ASB15: variants seen among roughly 807,000 people sequenced by gnomAD.
ASB15 encodes ankyrin repeat and SOCS box containing 15, also known as ankyrin repeat and SOCS box protein 15.
A neutral mutation model predicts 58.0 loss-of-function variants in ASB15; 54 were observed. That is an observed-to-expected ratio of 0.93 (90% CI 0.75 to 1.17). The LOEUF is 1.17. ASB15 is among the 50% of genes most tolerant of loss of function. The probability of loss-of-function intolerance (pLI) is 0.00; values close to 1 mark genes in which losing one functional copy is unlikely to be tolerated. For missense variants in ASB15, 680 were observed against 707.4 expected (o/e 0.96, Z 0.44); for synonymous variants, 249 against 262.4 (o/e 0.95, Z 0.50).
intron 4 of ASB15, among the ~76,000 whole-genome samples, chr7:123,615,869 C>T (rs1473717113): frequency 1.3e-5 from 2 of 152,166 alleles, no homozygotes; most frequent in Admixed American, 6.5e-5. Context: ...TCCAGAAAGG[C>T]TAATTGGCCT....
intron 7 of ASB15, 47 bp from the exon 8 acceptor site, chr7:123,624,522 T>A: frequency 6.5e-7 from 1 of 1,547,790 alleles, no homozygotes; most frequent in East Asian, 2.3e-5. Flanking sequence ...CCACCTAAGG[T>A]ATTTGTGTTA....
chr7:123,636,742 A>T, intron 11 of ASB15, 67 bp from the exon 12 acceptor site: 1 of 1,305,914 alleles, frequency 7.7e-7, no homozygotes, highest in Non-Finnish European at 1.1e-6. Flanking sequence ...ATTCTGAAAC[A>T]GTCATATCTT....
intron 2 of ASB15, among the ~76,000 whole-genome samples, chr7:123,605,454 A>G (rs954592047): frequency 6.6e-6 from 1 of 152,218 alleles, no homozygotes; most frequent in Non-Finnish European, 1.5e-5. Context: ...AAAGAACTTA[A>G]AGCAGAATTA....
intron 7 of ASB15, among the ~76,000 whole-genome samples, chr7:123,619,713 T>C (rs146253114): frequency 0.02 from 3,030 of 152,082 alleles, 105 homozygotes; most frequent in African/African-American, 0.07. Context: ...TTAGTAGAGA[T>C]GGGGTTTCAC....
intron 1 of ASB15, among the ~76,000 whole-genome samples, chr7:123,596,076 A>G (rs1799682927): frequency 6.6e-6 from 1 of 152,198 alleles, no homozygotes; most frequent in African/African-American, 2.4e-5. Context: ...CTCAGTACTT[A>G]TACTGTTCTA....
chr7:123,626,391 A>C (rs887173726), intron 8 of ASB15, among the ~76,000 whole-genome samples: 1 of 152,148 alleles, frequency 6.6e-6, no homozygotes, highest in Non-Finnish European at 1.5e-5. Flanking sequence ...AGAACTGCTT[A>C]AACCCAGGAG....
At chr7:123,606,130 TG>T (rs1800138748) in intron 2 of ASB15, among the ~76,000 whole-genome samples, 1 of 152,212 alleles carries the variant, frequency 6.6e-6, no homozygotes, top group African/African-American at 2.4e-5. Flanking sequence ...TTTTATTGTC[TG>T]TAACTGGCCT....
intron 11 of ASB15, among the ~76,000 whole-genome samples, chr7:123,635,103 A>T (rs1020892197): frequency 5.9e-5 from 9 of 152,214 alleles, no homozygotes; most frequent in Non-Finnish European, 8.8e-5. Context: ...CAAAAATTTT[A>T]AAAATGTACT....
At chr7:123,615,772 A>C (rs1397744944) in intron 4 of ASB15, among the ~76,000 whole-genome samples, 1 of 152,136 alleles carries the variant, frequency 6.6e-6, no homozygotes, top group South Asian at 2.1e-4. Flanking sequence ...AAAGCAAAAA[A>C]CATTTTTTGA....
At position 123,629,435 on chromosome 7, in the gene ASB15, G is replaced by A. The variant is rs1802005590; in HGVS notation, c.1440+1G>A. Reference sequence around the variant, plus strand: ...ATCTTGTGTAATAAAAGATAACCCGGTGAGTTATGCCTTTTCTGCTTTATA... The same window carrying A: ...ATCTTGTGTAATAAAAGATAACCCGATGAGTTATGCCTTTTCTGCTTTATA... On this transcript the variant is annotated splice_donor_variant, in intron 10 of 11. Coordinates refer to ENST00000451215, the MANE Select transcript of ASB15 (RefSeq NM_001290258.2). LOFTEE classifies it high-confidence loss of function. The A allele has an allele frequency of 1.9e-6, 3 of 1,594,410 alleles. No homozygotes were observed. The highest frequency in any genetic ancestry group is 1.7e-4 in the Middle Eastern group (1 of 6,042).
rs1181137925 is a variant in ASB15, at chr7:123,639,397, A to G, written c.*2416A>G. On this transcript the variant is annotated 3_prime_UTR_variant, in exon 12 of 12. Coordinates refer to ENST00000451215, the MANE Select transcript of ASB15 (RefSeq NM_001290258.2). ...GTGGTTAAATGTATTGTTACCTAAA[A>G]ATATTACTCTAATGAATAAAAAATC... is the stretch of plus-strand genomic sequence containing the variant. 1 of 152,198 alleles carries G rather than the reference A, an allele frequency of 6.6e-6. No individual in the cohort carries two copies. The highest frequency in any genetic ancestry group is 1.9e-4 in the East Asian group (1 of 5,200). The allele number at this position is 152,198 out of a possible 1,614,324, so 9.4% of individuals were successfully genotyped here.
chr7:123,627,036 C>T (rs930499206), intron 8 of ASB15, 74 bp from the exon 9 acceptor site: 11 of 1,476,150 alleles, frequency 7.5e-6, no homozygotes, highest in African/African-American at 6.9e-5. Flanking sequence ...CCCAGCCCCA[C>T]AACAGGCTGT....
chr7:123,591,640 G>A (rs1304821170), intron 1 of ASB15, among the ~76,000 whole-genome samples: 2 of 152,158 alleles, frequency 1.3e-5, no homozygotes, highest in African/African-American at 2.4e-5. Flanking sequence ...TGCATCCCAG[G>A]GATGAAGCCA....
intron 11 of ASB15, among the ~76,000 whole-genome samples, chr7:123,630,845 T>C (rs562483474): frequency 9.8e-5 from 15 of 152,292 alleles, no homozygotes; most frequent in South Asian, 2.1e-4. Context: ...TTTAAATAAT[T>C]TGACATTTTT....
In ASB15 at chr7:123,629,407, G is replaced by C. The variant is rs773581932; in HGVS notation, c.1413G>C (p.Trp471Cys). The change falls in exon 10 of 12, where the codon TGG becomes TGC. Residue 471 changes from tryptophan (W) to cysteine (C), a missense_variant. By Grantham distance (215) the Trp-to-Cys change is radical. Transcript: ENST00000451215. Reference sequence around the variant, plus strand: ...TACAGGAAGAGGTGCTGCCAGGATGGACATCTTGTGTAATAAAAGATAACC... The same window carrying C: ...TACAGGAAGAGGTGCTGCCAGGATGCACATCTTGTGTAATAAAAGATAACC... ...SEIQEEVLPG[W>C]TSCVIKDNPF... 1.5e-5 allele frequency: 24 copies of C among 1,610,722 alleles called. No individual in the cohort carries two copies. The South Asian group carries it at 2.2e-4, about 15-fold the overall frequency.
intron 1 of ASB15, among the ~76,000 whole-genome samples, chr7:123,580,128 C>T (rs1799186852): frequency 6.6e-6 from 1 of 151,908 alleles, no homozygotes. Context: ...CTTAAATTAG[C>T]AGAAGGATTT....
At chr7:123,624,375 T>C (rs1801624972) in intron 7 of ASB15, among the ~76,000 whole-genome samples, 194 bp from the exon 8 acceptor site, 1 of 152,244 alleles carries the variant, frequency 6.6e-6, no homozygotes, top group African/African-American at 2.4e-5. Flanking sequence ...TAGTGTCATC[T>C]TGTAAACTTA....
intron 11 of ASB15, 32 bp from the exon 12 acceptor site, chr7:123,636,777 A>C (rs199896063): frequency 1.9e-6 from 3 of 1,567,130 alleles, no homozygotes; most frequent in African/African-American, 1.4e-5. Flanking sequence ...TATTTAAAAA[A>C]TTTTTTTGCT....
At chr7:123,623,944 A>AAAGG (rs1801559505) in intron 7 of ASB15, among the ~76,000 whole-genome samples, 1 of 66,526 alleles carries the variant, frequency 1.5e-5, no homozygotes, top group Admixed American at 1.5e-4. Context: ...AGAAAGAAAG[A>AAAGG]AAGAAAGAAA....
Sources: allele counts gnomAD v4.1 joint callset (sites outside exome capture counted in the v4.1 genomes callset), GRCh38; gene constraint gnomAD v4.1.1; transcripts MANE v1.5; gene names NCBI Gene and HGNC (gene_info 2026-07-23, HGNC 2026-07-21).